The following ANK1 variants were observed in gnomAD, a reference collection of about 807,000 sequenced individuals.
The protein encoded by ANK1 is ankyrin 1.
Under a neutral mutation model 210.4 loss-of-function variants are expected in ANK1, and 51 were observed. The observed-to-expected ratio is 0.24, with a 90% CI of 0.19 to 0.31. ANK1 has a LOEUF of 0.31. Ranked by LOEUF, ANK1 falls within the 10% of genes least tolerant of loss-of-function variation. ANK1 has a pLI of 1.00. For synonymous variants in ANK1, 967 were observed against 1,025.9 expected, an observed-to-expected ratio of 0.94 and a Z score of 1.10; for missense variants, 2,051 against 2,504.4, an observed-to-expected ratio of 0.82 and a Z score of 3.86.
chr8:41,833,950 C>T (rs1164832256), intron 1 of ANK1, among the ~76,000 whole-genome samples: 2 of 152,074 alleles, frequency 1.3e-5, no homozygotes, highest in African/African-American at 4.8e-5. Flanking sequence ...TGCGGAGGGA[C>T]GGGGTTTCAG....
intron 2 of ANK1, among the ~76,000 whole-genome samples, chr8:41,744,199 G>C (rs1240305075): frequency 6.6e-6 from 1 of 152,110 alleles, no homozygotes; most frequent in Non-Finnish European, 1.5e-5. Context: ...AAATCCATGA[G>C]TCCAAACAGC....
chr8:41,885,432 G>T (rs1323820703), intron 1 of ANK1, among the ~76,000 whole-genome samples: 1 of 152,234 alleles, frequency 6.6e-6, no homozygotes, highest in Non-Finnish European at 1.5e-5. Flanking sequence ...ACTATGGTTT[G>T]CTTTGCCTAA....
chr8:41,817,446 C>T (rs1198618341), intron 1 of ANK1, among the ~76,000 whole-genome samples: 3 of 152,182 alleles, frequency 2.0e-5, no homozygotes, highest in Non-Finnish European at 4.4e-5. Context: ...CACATTCCTG[C>T]TGTGATAAAG....
intron 1 of ANK1, among the ~76,000 whole-genome samples, chr8:41,791,576 C>T (rs1474084162): frequency 3.9e-5 from 6 of 152,042 alleles, no homozygotes; most frequent in African/African-American, 1.2e-4. Flanking sequence ...GGACTACAGG[C>T]GCACGCCACC....
At chr8:41,754,380 A>G (rs1838553447) in intron 2 of ANK1, among the ~76,000 whole-genome samples, 4 of 152,252 alleles carry the variant, frequency 2.6e-5, no homozygotes, top group African/African-American at 7.2e-5. Context: ...TAGTAGACAC[A>G]GTCTATACAA....
intron 22 of ANK1, among the ~76,000 whole-genome samples, chr8:41,700,994 C>T (rs958238696): frequency 6.6e-6 from 1 of 152,156 alleles, no homozygotes; most frequent in African/African-American, 2.4e-5. Flanking sequence ...GTCTTGAACT[C>T]CTAGCCTCAA....
chr8:41,711,745 C>A (rs1436740879), intron 16 of ANK1, among the ~76,000 whole-genome samples: 2 of 152,190 alleles, frequency 1.3e-5, no homozygotes, highest in Non-Finnish European at 2.9e-5. Context: ...TTGCCTGTAA[C>A]TCCTGCCTCT....
Position 41,688,782 on chromosome 8 carries a change from G to A in ANK1, c.4105-193C>T, listed in dbSNP as rs140460879. On this transcript the variant is annotated intron_variant, in intron 33 of 42. Transcript: ENST00000289734. ...GGGAGTGAAGGGAAGCTGAAGAAGC[G>A]CACATGCGTTATTAATCACAGTCGT... Among the ~76,000 whole-genome samples the A allele has an allele frequency of 2.3e-4, 35 of 152,262 alleles. No homozygotes were observed. The East Asian group carries it at 4.8e-3, about 21-fold the overall frequency.
At chr8:41,858,263 G>T (rs1242860193) in intron 1 of ANK1, among the ~76,000 whole-genome samples, 2 of 150,564 alleles carry the variant, frequency 1.3e-5, no homozygotes, top group Non-Finnish European at 2.9e-5. Flanking sequence ...CAGGAGAATC[G>T]CTTGCACTCA....
intron 2 of ANK1, among the ~76,000 whole-genome samples, chr8:41,752,395 C>T (rs1442162148): frequency 6.6e-6 from 1 of 152,174 alleles, no homozygotes; most frequent in African/African-American, 2.4e-5. Flanking sequence ...TCTCATCAGC[C>T]CCCGTCAGCA....
intron 1 of ANK1, chr8:41,828,431 G>A (rs1275987616): frequency 6.5e-6 from 1 of 154,278 alleles, no homozygotes; most frequent in African/African-American, 2.4e-5. Flanking sequence ...GCCAGGCCGA[G>A]GTACGTGATG....
At chr8:41,718,264 C>G in intron 10 of ANK1, 60 bp from the exon 11 acceptor site, 1 of 1,541,734 alleles carries the variant, frequency 6.5e-7, no homozygotes, top group South Asian at 1.1e-5. Context: ...CCAAGGAACG[C>G]CCAGAAGACC....
intron 37 of ANK1, chr8:41,684,328 G>C (rs60558868): frequency 4.0e-6 from 3 of 750,972 alleles, no homozygotes; most frequent in Non-Finnish European, 6.7e-6. Flanking sequence ...AGGCTAAGGC[G>C]GAGGCGATGC....
At chr8:41,891,849 A>T (rs1819514372) in intron 1 of ANK1, among the ~76,000 whole-genome samples, 1 of 152,258 alleles carries the variant, frequency 6.6e-6, no homozygotes, top group South Asian at 2.1e-4. Flanking sequence ...AAGTCTTGCA[A>T]CAAAGAAACA....
intron 2 of ANK1, among the ~76,000 whole-genome samples, chr8:41,738,781 T>C (rs1319029588): frequency 6.6e-6 from 1 of 152,230 alleles, no homozygotes; most frequent in African/African-American, 2.4e-5. Context: ...AGACTTGCTT[T>C]GAATCTTTTC....
intron 1 of ANK1, among the ~76,000 whole-genome samples, chr8:41,835,600 G>A (rs1807528099): frequency 1.3e-5 from 2 of 152,218 alleles, no homozygotes; most frequent in South Asian, 2.1e-4. Flanking sequence ...GGAGGAGCGG[G>A]GAGCAGGGGA....
At chr8:41,696,629 C>G (rs1821036699) in intron 25 of ANK1, 42 bp from the exon 26 acceptor site, 2 of 1,610,810 alleles carry the variant, frequency 1.2e-6, no homozygotes, top group Non-Finnish European at 1.7e-6. Flanking sequence ...TGCATCCCCT[C>G]TCGGAGATGG....
At chr8:41,805,080 G>C (rs561560098) in intron 1 of ANK1, among the ~76,000 whole-genome samples, 2 of 151,534 alleles carry the variant, frequency 1.3e-5, no homozygotes, top group South Asian at 4.2e-4. Flanking sequence ...GTGTGTGTGT[G>C]TGTCGTGTGT....
chr8:41,682,525 G>C (rs1816386635), intron 37 of ANK1, among the ~76,000 whole-genome samples: 1 of 152,238 alleles, frequency 6.6e-6, no homozygotes, highest in African/African-American at 2.4e-5. Flanking sequence ...GCATGTGGTT[G>C]ATACTTGAAA....
Sources: gnomAD v4.1 joint callset for allele counts (sites outside exome capture counted in the v4.1 genomes callset) on GRCh38, gnomAD v4.1.1 for gene constraint, MANE v1.5 for transcripts, NCBI Gene and HGNC (gene_info 2026-07-23, HGNC 2026-07-21) for gene names.